Variants in ACTR3C observed in about 807,000 individuals in gnomAD.
ACTR3C encodes actin-related protein 3C.
In ACTR3C, 18 loss-of-function variants were observed where a neutral mutation model predicts 26.3. The observed-to-expected ratio is 0.68, with a 90% CI of 0.47 to 1.01. The LOEUF (loss-of-function observed/expected upper bound fraction) is 1.01, where lower values mean the gene tolerates loss of function less well. ACTR3C is among the 50% of genes least tolerant of loss of function. ACTR3C has a pLI of 0.00. For missense variants in ACTR3C, 184 were observed against 250.7 expected (o/e 0.73, Z 1.80); for synonymous variants, 55 against 94.5 (o/e 0.58, Z 2.42).
the ACTR3C span, among the ~76,000 whole-genome samples, chr7:150,048,807 C>T: frequency 2.0e-5 from 3 of 152,130 alleles, no homozygotes; most frequent in Non-Finnish European, 4.4e-5. Context: ...GGTGAGGAGG[C>T]CGCCCTCCCT....
At chr7:150,304,033 T>C (rs959536262) in intron 1 of ACTR3C, among the ~76,000 whole-genome samples, 11 of 152,202 alleles carry the variant, frequency 7.2e-5, no homozygotes, top group Non-Finnish European at 1.0e-4. Context: ...TCCACCTCCA[T>C]GCCCCTCTAA....
At chr7:150,014,509 T>C in the ACTR3C span, among the ~76,000 whole-genome samples, 2 of 150,774 alleles carry the variant, frequency 1.3e-5, no homozygotes, top group African/African-American at 4.9e-5. Context: ...CACAGCACCA[T>C]CCTTCACAGT....
downstream of ACTR3C, among the ~76,000 whole-genome samples, chr7:150,241,633 C>T (rs554452329): frequency 3.6e-4 from 54 of 151,950 alleles, 1 homozygote; most frequent in East Asian, 9.7e-3. Flanking sequence ...AGAAAAAATG[C>T]AAAATTGAAC....
At chr7:150,130,710 T>C in the ACTR3C span, among the ~76,000 whole-genome samples, 1 of 152,186 alleles carries the variant, frequency 6.6e-6, no homozygotes, top group Admixed American at 6.5e-5. Flanking sequence ...TCAAATTAGC[T>C]AAGAACAGGA....
At chr7:150,134,506 C>T in the ACTR3C span, among the ~76,000 whole-genome samples, 1 of 152,208 alleles carries the variant, frequency 6.6e-6, no homozygotes, top group African/African-American at 2.4e-5. Flanking sequence ...TGAACACGTG[C>T]ACAAACATGA....
the ACTR3C span, among the ~76,000 whole-genome samples, chr7:150,131,587 A>G: frequency 6.6e-6 from 1 of 152,324 alleles, no homozygotes; most frequent in Non-Finnish European, 1.5e-5. Flanking sequence ...ACCACTTGGG[A>G]GCTATACTCA....
the ACTR3C span, among the ~76,000 whole-genome samples, chr7:150,200,016 A>G: frequency 1.3e-5 from 2 of 152,250 alleles, no homozygotes; most frequent in Non-Finnish European, 2.9e-5. Flanking sequence ...TTTGAGATCA[A>G]TGGGTACAAG....
At chr7:150,129,758 C>T in the ACTR3C span, among the ~76,000 whole-genome samples, 2 of 152,124 alleles carry the variant, frequency 1.3e-5, no homozygotes, top group South Asian at 4.1e-4. Flanking sequence ...CATGCCAATT[C>T]TCCGAAAATT....
intron 5 of ACTR3C, among the ~76,000 whole-genome samples, chr7:150,285,306 T>G (rs1054302077): frequency 1.7e-4 from 26 of 152,356 alleles, no homozygotes; most frequent in Admixed American, 1.1e-3. Context: ...GGAAGTGTTT[T>G]GTTTAATGAG....
chr7:150,103,580 C>T, the ACTR3C span, among the ~76,000 whole-genome samples: 1 of 151,730 alleles, frequency 6.6e-6, no homozygotes, highest in African/African-American at 2.4e-5. Context: ...TTGCAATGAA[C>T]ATATATAAGC....
At chr7:150,168,899 C>G in the ACTR3C span, among the ~76,000 whole-genome samples, 1 of 150,980 alleles carries the variant, frequency 6.6e-6, no homozygotes, top group Admixed American at 6.5e-5. Flanking sequence ...AGCCAAAGAA[C>G]CAACATCTCT....
the ACTR3C span, among the ~76,000 whole-genome samples, chr7:150,221,629 G>A: frequency 6.6e-5 from 10 of 152,168 alleles, no homozygotes; most frequent in Non-Finnish European, 1.3e-4. Context: ...TAAATTGAAG[G>A]AAGAAGTTAG....
the ACTR3C span, among the ~76,000 whole-genome samples, chr7:149,966,993 C>A: frequency 7.0e-6 from 1 of 143,146 alleles, no homozygotes; most frequent in Non-Finnish European, 1.5e-5. Flanking sequence ...TCCTGAGTAG[C>A]TGGGATTACA....
chr7:150,039,977 GAT>G, the ACTR3C span, among the ~76,000 whole-genome samples: 1 of 141,328 alleles, frequency 7.1e-6, no homozygotes, highest in African/African-American at 2.6e-5. Context: ...GCCTCGCGGG[GAT>G]TGCCTCCCCC....
At chr7:149,930,679 G>A in the ACTR3C span, among the ~76,000 whole-genome samples, 1 of 152,220 alleles carries the variant, frequency 6.6e-6, no homozygotes, top group African/African-American at 2.4e-5. Flanking sequence ...TGGTCTGTTC[G>A]CTGGTGTTTT....
chr7:149,905,074 A>G, the ACTR3C span, among the ~76,000 whole-genome samples: 1 of 151,462 alleles, frequency 6.6e-6, no homozygotes, highest in Non-Finnish European at 1.5e-5. Flanking sequence ...TCAAAACCCC[A>G]TTATAATTTT....
chr7:149,948,278 CAG>C, the ACTR3C span, among the ~76,000 whole-genome samples: 20 of 102,706 alleles, frequency 1.9e-4, no homozygotes, highest in African/African-American at 6.6e-4. Flanking sequence ...GTGAGCATCA[CAG>C]GTGACAGACG....
At chr7:150,220,461 G>GCTCCAC in the ACTR3C span, among the ~76,000 whole-genome samples, 1 of 148,070 alleles carries the variant, frequency 6.8e-6, no homozygotes, top group South Asian at 2.1e-4. Context: ...CCACGCTGCA[G>GCTCCAC]GCTTCTGTGC....
chr7:150,257,103 C>T (rs1330856981), intron 6 of ACTR3C, among the ~76,000 whole-genome samples: 1 of 152,044 alleles, frequency 6.6e-6, no homozygotes. Context: ...ATAGTTTGTA[C>T]TAAAACAAAA....
Sources: allele counts gnomAD v4.1 joint callset (sites outside exome capture counted in the v4.1 genomes callset), GRCh38; gene constraint gnomAD v4.1.1; transcripts MANE v1.5; gene names NCBI Gene and HGNC (gene_info 2026-07-23, HGNC 2026-07-21).